The following NUAK1 variants were observed in gnomAD, a reference collection of about 807,000 sequenced individuals.
NUAK1 encodes the protein NUAK family kinase 1, also known as NUAK family SNF1-like kinase 1.
A neutral mutation model predicts 56.9 loss-of-function variants in NUAK1; 26 were observed. The observed-to-expected ratio is 0.46, with a 90% CI of 0.33 to 0.63. NUAK1 has a LOEUF of 0.63. NUAK1 is among the 30% of genes least tolerant of loss of function. The pLI is 0.02. For missense variants in NUAK1, 727 were observed against 876.1 expected (o/e 0.83, Z 2.15); for synonymous variants, 337 against 336.0 (o/e 1.00, Z -0.03).
intron 4 of NUAK1, among the ~76,000 whole-genome samples, chr12:106,080,682 G>A (rs767581167): frequency 1.3e-5 from 2 of 152,222 alleles, no homozygotes; most frequent in Admixed American, 6.5e-5. Flanking sequence ...CCCCACCACT[G>A]CAGCGACATG....
intron 1 of NUAK1, among the ~76,000 whole-genome samples, chr12:106,129,655 A>G (rs1425156215): frequency 6.6e-6 from 1 of 152,156 alleles, no homozygotes; most frequent in East Asian, 1.9e-4. Context: ...GAGAGCCATG[A>G]GCCAAGATAA....
At chr12:106,136,691 C>A (rs970297010) in intron 1 of NUAK1, among the ~76,000 whole-genome samples, 1 of 152,220 alleles carries the variant, frequency 6.6e-6, no homozygotes, top group African/African-American at 2.4e-5. Flanking sequence ...TCTCAACCTG[C>A]AGCTCGAACT....
At chr12:106,103,874 T>C (rs1253117784) in intron 2 of NUAK1, among the ~76,000 whole-genome samples, 1 of 152,182 alleles carries the variant, frequency 6.6e-6, no homozygotes, top group Non-Finnish European at 1.5e-5. Context: ...CCTCTGTCCA[T>C]GTGAAGAGGG....
rs536893955 is a variant in NUAK1, at chr12:106,064,891, A to C, written c.*1911T>G. The C allele has an allele frequency of 6.6e-6, 1 of 151,882 alleles. No individual in the cohort carries two copies. The highest frequency in any genetic ancestry group is 2.1e-4 in the South Asian group (1 of 4,806). The allele number at this position is 151,882 out of a possible 1,614,324, so 9.4% of individuals were successfully genotyped here. A position where few individuals can be genotyped will look rare whatever the true frequency, so the allele number is the denominator to read the frequency against. The stretch of plus-strand genomic sequence containing the variant: ...AAGGAGGTGGAATTGAATGAAAGGA[A>C]ATTGAGCAGCTTCCCATAACACACT... On this transcript the variant is annotated 3_prime_UTR_variant, in exon 7 of 7. Coordinates refer to ENST00000261402, the MANE Select transcript of NUAK1 (RefSeq NM_014840.3).
intron 1 of NUAK1, among the ~76,000 whole-genome samples, chr12:106,135,442 T>C (rs1454813596): frequency 1.3e-5 from 2 of 152,252 alleles, no homozygotes; most frequent in South Asian, 2.1e-4. Context: ...AAAATGATGC[T>C]GTGTTGTGTT....
intron 1 of NUAK1, among the ~76,000 whole-genome samples, chr12:106,131,549 C>A (rs895022502): frequency 6.6e-6 from 1 of 152,104 alleles, no homozygotes; most frequent in African/African-American, 2.4e-5. Flanking sequence ...GAATAACAGT[C>A]CAAAAATATT....
chr12:106,077,194 C>A (rs1234150451), intron 4 of NUAK1, among the ~76,000 whole-genome samples: 1 of 152,196 alleles, frequency 6.6e-6, no homozygotes, highest in African/African-American at 2.4e-5. Context: ...CTCCACAGAT[C>A]AGACATTTTG....
chr12:106,125,184 T>G (rs1437741432), intron 1 of NUAK1, among the ~76,000 whole-genome samples: 3 of 152,102 alleles, frequency 2.0e-5, no homozygotes, highest in Non-Finnish European at 4.4e-5. Flanking sequence ...CAGCCAAGTC[T>G]CCCAACATAC....
intron 2 of NUAK1, among the ~76,000 whole-genome samples, chr12:106,098,252 T>C (rs1441981886): frequency 6.6e-6 from 1 of 152,136 alleles, no homozygotes; most frequent in Non-Finnish European, 1.5e-5. Flanking sequence ...AGCTTTTAAC[T>C]GATAGTGCAC....
rs188490096 is a variant in NUAK1 at position 106,106,507 on chromosome 12, G to C, written c.259C>G (p.Arg87Gly). 6.2e-7 allele frequency: 1 copy of C among 1,612,682 alleles called. No homozygotes were observed. The highest frequency in any genetic ancestry group is 1.1e-5 in the South Asian group (1 of 90,856). Residue 87 changes from arginine (R) to glycine (G), a missense_variant, in exon 2 of 7, where the codon CGT (arginine) becomes GGT (glycine). By Grantham distance (125) the Arg-to-Gly change is moderately radical. Coordinates refer to ENST00000261402, the MANE Select transcript of NUAK1 (RefSeq NM_014840.3). Reference sequence around the variant, plus strand: ...TGTTCATCCTTAATTTTGTCCTTACGAATGGATTTTATAGCAACCTATAAA... The same window carrying C: ...TGTTCATCCTTAATTTTGTCCTTACCAATGGATTTTATAGCAACCTATAAA... ...SGRVVAIKSI[R>G]KDKIKDEQDM...
Position 106,095,486 on chromosome 12 carries a change from G to A in NUAK1, c.362-8601C>T, listed in dbSNP as rs975688465. 4.6e-5 allele frequency among the ~76,000 whole-genome samples: 7 copies of A among 152,220 alleles called. No homozygotes were observed. The East Asian group carries it at 1.3e-3, about 29-fold the overall frequency. On this transcript the variant is annotated intron_variant, in intron 2 of 6. Transcript: ENST00000261402. Reference sequence around the variant, plus strand: ...CTGGCTCCAGCCACTTCCCAGTTGGGTGACCTGGGCAAGTTACTTAGCCTT... The same window carrying A: ...CTGGCTCCAGCCACTTCCCAGTTGGATGACCTGGGCAAGTTACTTAGCCTT...
intron 1 of NUAK1, among the ~76,000 whole-genome samples, chr12:106,130,804 C>A (rs2033070731): frequency 6.6e-6 from 1 of 152,198 alleles, no homozygotes; most frequent in Non-Finnish European, 1.5e-5. Flanking sequence ...GTAGCAATCG[C>A]CCTGGCTGCA....
Position 106,072,721 on chromosome 12 carries a change from C to T in NUAK1, c.699+3G>A, listed in dbSNP as rs1013009812. 3.7e-6 allele frequency: 6 copies of T among 1,613,252 alleles called. No individual in the cohort carries two copies. Among genetic ancestry groups the T allele is most frequent in the Non-Finnish European group, 2.5e-6 (3 of 1,179,510 alleles). On this transcript the variant is annotated splice_donor_region_variant and intron_variant, in intron 5 of 6. Transcript: ENST00000261402. ...CCCCATACACATTGGGAAAGCTGCT[C>T]ACCTCTGGCCCTCGGTAAGGTCTCC...
At chr12:106,133,304 G>T (rs1039400681) in intron 1 of NUAK1, among the ~76,000 whole-genome samples, 2 of 152,010 alleles carry the variant, frequency 1.3e-5, no homozygotes, top group Non-Finnish European at 2.9e-5. Context: ...CCATTAGCTG[G>T]AGAACACTTT....
chr12:106,133,855 C>T (rs2033104340), intron 1 of NUAK1, among the ~76,000 whole-genome samples: 1 of 152,210 alleles, frequency 6.6e-6, no homozygotes, highest in Admixed American at 6.5e-5. Context: ...TCTGCCTTCT[C>T]TTTCACCAGG....
rs530144577 is a variant in NUAK1, at chr12:106,101,060, C to T, written c.361+5345G>A. The stretch of plus-strand genomic sequence containing the variant: ...AACCGGCTTCCAGAGAGAAGGTTCC[C>T]CTCTCATTCTGTGAGTAGCAGGGAG... On this transcript the variant is annotated intron_variant, in intron 2 of 6. Transcript: ENST00000261402. Among the ~76,000 whole-genome samples the T allele has an allele frequency of 2.0e-5, 3 of 152,318 alleles. No homozygotes were observed. In the East Asian group the frequency reaches 5.8e-4, roughly 29 times the overall value.
At chr12:106,096,242 G>C (rs1358878446) in intron 2 of NUAK1, among the ~76,000 whole-genome samples, 1 of 152,162 alleles carries the variant, frequency 6.6e-6, no homozygotes, top group African/African-American at 2.4e-5. Context: ...AAACCCAGGA[G>C]GGTGAGGCAG....
intron 1 of NUAK1, among the ~76,000 whole-genome samples, chr12:106,135,778 A>C (rs552243267): frequency 3.3e-5 from 5 of 152,228 alleles, no homozygotes; most frequent in African/African-American, 1.2e-4. Flanking sequence ...CCTTCAAAGC[A>C]TGTTGTGAAT....
chr12:106,068,630 T>A (rs1279395654), intron 6 of NUAK1, among the ~76,000 whole-genome samples: 1 of 152,244 alleles, frequency 6.6e-6, no homozygotes, highest in Admixed American at 6.5e-5. Context: ...GTGATCTATA[T>A]CTGCTTCCCA....
Sources: allele counts gnomAD v4.1 joint callset (sites outside exome capture counted in the v4.1 genomes callset), GRCh38; gene constraint gnomAD v4.1.1; transcripts MANE v1.5; gene names NCBI Gene and HGNC (gene_info 2026-07-23, HGNC 2026-07-21).